URI1: variants seen among roughly 807,000 people sequenced by gnomAD.
The protein encoded by URI1 is unconventional prefoldin RPB5 interactor 1.
A neutral mutation model predicts 60.2 loss-of-function variants in URI1; 39 were observed. The observed-to-expected ratio is 0.65, with a 90% CI of 0.50 to 0.85. URI1 has a LOEUF of 0.85. Ranked by LOEUF, URI1 falls within the 40% of genes least tolerant of loss-of-function variation. The probability of loss-of-function intolerance (pLI) is 0.00; values close to 1 mark genes in which losing one functional copy is unlikely to be tolerated. For synonymous variants in URI1, 251 were observed against 236.8 expected (o/e 1.06, Z -0.55); for missense variants, 691 against 665.9 (o/e 1.04, Z -0.42).
chr19:29,951,014 C>T (rs1186703718), intron 1 of URI1, among the ~76,000 whole-genome samples: 4 of 152,110 alleles, frequency 2.6e-5, no homozygotes, highest in African/African-American at 9.7e-5. Flanking sequence ...GCCTATAGTC[C>T]CAGTTACTCC....
At chr19:29,983,928 C>T (rs761470475) in intron 2 of URI1, among the ~76,000 whole-genome samples, 14 of 152,132 alleles carry the variant, frequency 9.2e-5, no homozygotes, top group African/African-American at 2.9e-4. Flanking sequence ...CAAATTGAAA[C>T]GCCTTTTGTA....
intron 4 of URI1, among the ~76,000 whole-genome samples, chr19:29,989,978 ATTTTCTTCTGTG>A (rs2055725725): frequency 6.6e-6 from 1 of 151,050 alleles, no homozygotes; most frequent in Admixed American, 6.6e-5. Flanking sequence ...GTTGTTGAAG[ATTTTCTTCTGTG>A]TTTTCTTCTG....
intron 1 of URI1, among the ~76,000 whole-genome samples, chr19:29,933,152 G>A (rs1293255951): frequency 6.6e-6 from 1 of 152,160 alleles, no homozygotes; most frequent in Non-Finnish European, 1.5e-5. Context: ...CTCATAGAAT[G>A]TGTTCTTTCC....
intron 4 of URI1, among the ~76,000 whole-genome samples, chr19:29,999,740 C>T (rs998837452): frequency 1.3e-5 from 2 of 151,836 alleles, no homozygotes; most frequent in African/African-American, 4.8e-5. Flanking sequence ...TCTTGAGTAT[C>T]TCCAATAAGG....
chr19:29,942,612 T>G lies in URI1; in HGVS notation c.65T>G (p.Leu22Arg). 2.3e-6 allele frequency: 3 copies of G among 1,326,098 alleles called. No homozygotes were observed. The highest frequency in any genetic ancestry group is 2.9e-6 in the Non-Finnish European group (3 of 1,022,278). 82.1% of individuals were successfully genotyped at this position (1,326,098 alleles called of 1,614,324 possible). ...CCCCCTTCGGCCCCGGCCCCTGCCC[T>G]GGTTCCGTTGCGCGCCCCGGATGTG... ...PSPPSAPAPA[L>R]VPLRAPDVAR... Residue 22 changes from leucine to arginine, a missense_variant, in exon 1 of 11, where the codon CTG (leucine) becomes CGG (arginine). Leu to Arg is a moderately radical substitution (Grantham distance 102, BLOSUM62 -2). Coordinates refer to ENST00000392271, the MANE Select transcript of URI1 (RefSeq NM_003796.3).
Position 30,015,183 on chromosome 19 carries a change from T to A in URI1, c.*114T>A, listed in dbSNP as rs1280960964. 6.9e-7 allele frequency: 1 copy of A among 1,456,644 alleles called. No homozygotes were observed. Among genetic ancestry groups the A allele is most frequent in the Non-Finnish European group, 9.0e-7 (1 of 1,106,668 alleles). The allele number at this position is 1,456,644 out of a possible 1,614,324, so 90.2% of individuals were successfully genotyped here. A position where few individuals can be genotyped will look rare whatever the true frequency, so the allele number is the denominator to read the frequency against. On this transcript the variant is annotated 3_prime_UTR_variant, in exon 11 of 11. Coordinates refer to ENST00000392271, the MANE Select transcript of URI1 (RefSeq NM_003796.3). ...TGAAATAAGGTATCCTGAGTTACTTTGGCAACAAGTTCTTTTACCCTTACC... is the reference window on the plus strand; with the variant it reads ...TGAAATAAGGTATCCTGAGTTACTTAGGCAACAAGTTCTTTTACCCTTACC...
chr19:29,992,798 GT>G (rs1404603865), intron 4 of URI1, among the ~76,000 whole-genome samples: 1 of 152,164 alleles, frequency 6.6e-6, no homozygotes, highest in Admixed American at 6.5e-5. Context: ...GTATAGACAA[GT>G]TTTTGGTAAT....
At chr19:29,975,575 C>T (rs1209952108) in intron 2 of URI1, among the ~76,000 whole-genome samples, 1 of 143,914 alleles carries the variant, frequency 6.9e-6, no homozygotes, top group Admixed American at 7.4e-5. Context: ...ATGGTTTCGG[C>T]TCACTGCAAC....
chr19:29,993,151 G>C (rs531973632), intron 4 of URI1, among the ~76,000 whole-genome samples: 1 of 152,148 alleles, frequency 6.6e-6, no homozygotes, highest in African/African-American at 2.4e-5. Context: ...TTAAATGGAA[G>C]AGTGGACATG....
chr19:30,006,271 A>G (rs2145433936), intron 6 of URI1, among the ~76,000 whole-genome samples: 1 of 152,218 alleles, frequency 6.6e-6, no homozygotes, highest in South Asian at 2.1e-4. Context: ...CGTCAGTTGT[A>G]AAGTGTTAAC....
chr19:29,982,217 A>G (rs1049212496), intron 2 of URI1, among the ~76,000 whole-genome samples: 5 of 152,206 alleles, frequency 3.3e-5, no homozygotes, highest in Non-Finnish European at 5.9e-5. Context: ...AAAATAATTC[A>G]AAATTTATAA....
At chr19:29,990,123 A>G (rs1042234593) in intron 4 of URI1, among the ~76,000 whole-genome samples, 17 of 152,298 alleles carry the variant, frequency 1.1e-4, no homozygotes, top group African/African-American at 4.1e-4. Flanking sequence ...AGTTGCTCCA[A>G]TACTATGTTG....
intron 1 of URI1, among the ~76,000 whole-genome samples, chr19:29,968,229 A>T (rs1424729833): frequency 6.6e-6 from 1 of 152,190 alleles, no homozygotes; most frequent in Admixed American, 6.5e-5. Context: ...AAATAATACA[A>T]TAAGTTTTTT....
rs764646236 is a variant in URI1 at position 30,009,066 on chromosome 19, G to T, written c.748G>T (p.Asp250Tyr). Residue 250 changes from aspartate to tyrosine, a missense_variant, in exon 8 of 11, where the codon GAT (aspartate) becomes TAT (tyrosine). Coordinates refer to ENST00000392271, the MANE Select transcript of URI1 (RefSeq NM_003796.3). ...GACATCTTCTGAAGAGGAAAAGGAA[G>T]ATCGTAACACAAATGTGAATGCGAT... ...DTTSSEEEKE[D>Y]RNTNVNAMHQ... 2 of 1,613,898 alleles carry T rather than the reference G, an allele frequency of 1.2e-6. No individual in the cohort carries two copies. Among genetic ancestry groups the T allele is most frequent in the South Asian group, 1.1e-5 (1 of 91,064 alleles).
chr19:29,972,038 T>A (rs2055466811), intron 2 of URI1, among the ~76,000 whole-genome samples: 1 of 152,092 alleles, frequency 6.6e-6, no homozygotes, highest in Non-Finnish European at 1.5e-5. Context: ...TTTAAATTTA[T>A]TTTAAGAGGC....
chr19:29,926,703 G>A (rs2054871291), intron 1 of URI1, among the ~76,000 whole-genome samples: 1 of 152,218 alleles, frequency 6.6e-6, no homozygotes, highest in South Asian at 2.1e-4. Flanking sequence ...AAGGTTAAAA[G>A]AAAATGTGTG....
intron 1 of URI1, among the ~76,000 whole-genome samples, chr19:29,927,332 C>T (rs540408503): frequency 6.0e-5 from 9 of 149,242 alleles, no homozygotes; most frequent in East Asian, 2.0e-4. Context: ...GGTGCAATCT[C>T]GGCTCACTGC....
chr19:30,015,320 A>G lies in URI1; in HGVS notation c.*251A>G, dbSNP rs926509221. ...TTATCTAAGTTTGCCTTTATGATGCAGTGGCAGCATTTTGAATTACTTTTC... is the reference window on the plus strand; with the variant it reads ...TTATCTAAGTTTGCCTTTATGATGCGGTGGCAGCATTTTGAATTACTTTTC... On this transcript the variant is annotated 3_prime_UTR_variant, in exon 11 of 11. Transcript: ENST00000392271. The G allele has an allele frequency of 2.8e-6, 4 of 1,415,616 alleles. No homozygotes were observed. The African/African-American group carries it at 5.8e-5, about 20-fold the overall frequency. 87.7% of individuals were successfully genotyped at this position (1,415,616 alleles called of 1,614,324 possible). A position where few individuals can be genotyped will look rare whatever the true frequency, so the allele number is the denominator to read the frequency against.
At chr19:30,001,778 G>T (rs928727266) in intron 4 of URI1, among the ~76,000 whole-genome samples, 2 of 151,912 alleles carry the variant, frequency 1.3e-5, no homozygotes, top group East Asian at 3.9e-4. Flanking sequence ...CCAAAATTTG[G>T]TTGACATTTC....
Sources: gnomAD v4.1 joint callset for allele counts (sites outside exome capture counted in the v4.1 genomes callset) on GRCh38, gnomAD v4.1.1 for gene constraint, MANE v1.5 for transcripts, NCBI Gene and HGNC (gene_info 2026-07-23, HGNC 2026-07-21) for gene names.